TMEM268: variants seen among roughly 807,000 people sequenced by gnomAD.
TMEM268 encodes transmembrane protein C9orf91.
TMEM268 carries 24 observed loss-of-function variants against 39.1 expected under a neutral mutation model. The ratio of observed to expected loss-of-function variants is 0.61; its 90% CI spans 0.44 to 0.86. The LOEUF (loss-of-function observed/expected upper bound fraction) is 0.86, where lower values mean the gene tolerates loss of function less well. Ranked by LOEUF, TMEM268 falls within the 40% of genes least tolerant of loss-of-function variation. The pLI, the probability that TMEM268 is intolerant of heterozygous loss-of-function variation, is 0.00. For missense variants in TMEM268, 409 were observed against 428.6 expected, an observed-to-expected ratio of 0.95 and a Z score of 0.40; for synonymous variants, 176 against 173.5, an observed-to-expected ratio of 1.01 and a Z score of -0.12.
intron 5 of TMEM268, among the ~76,000 whole-genome samples, chr9:114,632,795 C>A (rs1255758471): frequency 6.6e-6 from 1 of 152,192 alleles, no homozygotes; most frequent in Non-Finnish European, 1.5e-5. Context: ...GTACTTTACA[C>A]ACAATCTCAG....
chr9:114,623,294 C>A (rs752143782), intron 2 of TMEM268, among the ~76,000 whole-genome samples: 6 of 152,046 alleles, frequency 3.9e-5, no homozygotes, highest in African/African-American at 1.4e-4. Context: ...ATTACAGGCA[C>A]GTGCCACCAC....
In TMEM268 at chr9:114,643,803, T is replaced by G. The variant is rs575586429; in HGVS notation, c.*490T>G. 6.5e-6 allele frequency: 1 copy of G among 152,768 alleles called. No individual in the cohort carries two copies. The highest frequency in any genetic ancestry group is 2.4e-5 in the African/African-American group (1 of 41,584). 9.5% of individuals were successfully genotyped at this position (152,768 alleles called of 1,614,324 possible). Reference sequence around the variant, plus strand: ...CCTTGAACCCCTAAAATTATCAGACTTCCTTTTTCCAATATAAAGAAAAAA... The same window carrying G: ...CCTTGAACCCCTAAAATTATCAGACGTCCTTTTTCCAATATAAAGAAAAAA... On this transcript the variant is annotated 3_prime_UTR_variant, in exon 9 of 9. Coordinates refer to ENST00000288502, the MANE Select transcript of TMEM268 (RefSeq NM_153045.4).
At chr9:114,622,548 A>G (rs1055458372) in intron 2 of TMEM268, 3 of 971,482 alleles carry the variant, frequency 3.1e-6, no homozygotes, top group Middle Eastern at 5.3e-4. Context: ...TCTTGAGGGG[A>G]TTTCAGTCCA....
intron 7 of TMEM268, among the ~76,000 whole-genome samples, chr9:114,637,596 A>G (rs961670045): frequency 6.6e-6 from 1 of 152,048 alleles, no homozygotes; most frequent in African/African-American, 2.4e-5. Context: ...GCCCGGCCAT[A>G]TATTTCTTTA....
At chr9:114,635,111 C>T (rs966288747) in intron 6 of TMEM268, among the ~76,000 whole-genome samples, 1 of 151,996 alleles carries the variant, frequency 6.6e-6, no homozygotes. Flanking sequence ...GAGGCTGAGG[C>T]GGATGGATTG....
Position 114,611,525 on chromosome 9 carries a change from T to C in TMEM268, c.-118T>C. 1 of 152,190 alleles carries C rather than the reference T, an allele frequency of 6.6e-6. No homozygotes were observed. The highest frequency in any genetic ancestry group is 1.3e-5 in the Non-Finnish European group (1 of 77,934). The allele number at this position is 152,190 out of a possible 1,614,324, so 9.4% of individuals were successfully genotyped here. A position where few individuals can be genotyped will look rare whatever the true frequency, so the allele number is the denominator to read the frequency against. On this transcript the variant is annotated 5_prime_UTR_variant, in exon 1 of 9. Coordinates refer to ENST00000288502, the MANE Select transcript of TMEM268 (RefSeq NM_153045.4). ...GGCTCGGCGCCCCCGACCTTCCGCG[T>C]CCCGGGGTGGCGGCGGCGGCGGCGG... is the stretch of plus-strand genomic sequence containing the variant.
intron 5 of TMEM268, among the ~76,000 whole-genome samples, chr9:114,629,245 A>G (rs566064933): frequency 1.3e-5 from 2 of 152,374 alleles, no homozygotes; most frequent in African/African-American, 4.8e-5. Context: ...TGTAGGTTAG[A>G]TATTTGACAT....
chr9:114,636,917 C>A, intron 6 of TMEM268, 73 bp from the exon 7 acceptor site: 2 of 911,468 alleles, frequency 2.2e-6, no homozygotes, highest in Non-Finnish European at 3.6e-6. Flanking sequence ...CTAAATAGGA[C>A]TGTCTCAGGG....
At chr9:114,620,478 G>T (rs1015937012) in intron 2 of TMEM268, among the ~76,000 whole-genome samples, 5 of 151,950 alleles carry the variant, frequency 3.3e-5, no homozygotes, top group African/African-American at 1.2e-4. Flanking sequence ...CAACCTCCTG[G>T]GCTCAAGTAA....
upstream of TMEM268, chr9:114,611,190 T>A (rs1188709766): frequency 6.6e-6 from 1 of 152,278 alleles, no homozygotes; most frequent in Non-Finnish European, 1.5e-5. Flanking sequence ...AAGCCGCTCC[T>A]TTACAGTGGG....
At chr9:114,637,607 T>TA (rs1394331282) in intron 7 of TMEM268, among the ~76,000 whole-genome samples, 2 of 152,190 alleles carry the variant, frequency 1.3e-5, no homozygotes, top group Non-Finnish European at 2.9e-5. Context: ...TATTTCTTTA[T>TA]AATTATAATA....
intron 6 of TMEM268, among the ~76,000 whole-genome samples, 179 bp from the exon 7 acceptor site, chr9:114,636,811 C>T (rs1291120306): frequency 6.6e-6 from 1 of 152,040 alleles, no homozygotes; most frequent in Admixed American, 6.6e-5. Context: ...TAGGGTTTGA[C>T]CTTTTCTAAA....
intron 6 of TMEM268, among the ~76,000 whole-genome samples, 190 bp downstream of exon 6, chr9:114,634,068 C>T (rs1355730135): frequency 6.6e-6 from 1 of 152,228 alleles, no homozygotes; most frequent in African/African-American, 2.4e-5. Context: ...TGTGCAGTAA[C>T]CAGTGGCCTG....
intron 1 of TMEM268, among the ~76,000 whole-genome samples, chr9:114,613,143 C>T (rs1042704088): frequency 2.6e-5 from 4 of 152,154 alleles, no homozygotes; most frequent in Non-Finnish European, 4.4e-5. Flanking sequence ...AGGACAGGGC[C>T]GGTTACTTTT....
chr9:114,635,585 G>A (rs1846599845), intron 6 of TMEM268, among the ~76,000 whole-genome samples: 2 of 152,114 alleles, frequency 1.3e-5, no homozygotes, highest in Non-Finnish European at 2.9e-5. Flanking sequence ...AGGCTGAGGT[G>A]GGAGGATCAC....
chr9:114,640,110 T>C (rs2133715569), intron 8 of TMEM268, among the ~76,000 whole-genome samples: 1 of 151,090 alleles, frequency 6.6e-6, no homozygotes, highest in East Asian at 2.0e-4. Flanking sequence ...CTTTATCCTA[T>C]TGACTTTTTT....
rs5900104 is a variant in TMEM268, at chr9:114,636,505, C to CTTTTCTTTTCTTTTCT, written c.586-482_586-481insTCTTTTCTTTTCTTTT. Among the ~76,000 whole-genome samples the CTTTTCTTTTCTTTTCT allele has an allele frequency of 9.7e-4, 139 of 143,256 alleles. 2 individuals are homozygous for CTTTTCTTTTCTTTTCT. Among genetic ancestry groups the CTTTTCTTTTCTTTTCT allele is most frequent in the African/African-American group, 2.7e-3 (97 of 35,832 alleles). The allele number at this position is 143,256 out of a possible 152,430, so 94.0% of individuals were successfully genotyped here. A position where few individuals can be genotyped will look rare whatever the true frequency, so the allele number is the denominator to read the frequency against. On this transcript the variant is annotated intron_variant, in intron 6 of 8. Transcript: ENST00000288502. ...TTAACTTTTTCTTTTCTTTTCTTTT[C>CTTTTCTTTTCTTTTCT]TTTCTTTTCTTTTCAGACAGAGTCT...
upstream of TMEM268, among the ~76,000 whole-genome samples, chr9:114,610,227 C>T (rs996948424): frequency 6.6e-6 from 1 of 152,038 alleles, no homozygotes; most frequent in South Asian, 2.1e-4. Flanking sequence ...TTAGTAGAGA[C>T]GGGGTTTCCC....
chr9:114,632,195 G>C lies in TMEM268; in HGVS notation c.475-1573G>C, dbSNP rs1311951740. On this transcript the variant is annotated intron_variant, in intron 5 of 8. Coordinates refer to ENST00000288502, the MANE Select transcript of TMEM268 (RefSeq NM_153045.4). ...TAAGTAGATTTTTTTTTATCTGCAT[G>C]TATGCTCAGTGGGACATTTGGAATC... Among the ~76,000 whole-genome samples, 6 of 151,326 alleles carry C rather than the reference G, an allele frequency of 4.0e-5. No individual in the cohort carries two copies. The South Asian group carries it at 1.3e-3, about 32-fold the overall frequency.
Sources: allele counts gnomAD v4.1 joint callset (sites outside exome capture counted in the v4.1 genomes callset), GRCh38; gene constraint gnomAD v4.1.1; transcripts MANE v1.5; gene names NCBI Gene and HGNC (gene_info 2026-07-23, HGNC 2026-07-21).